Variants in RYR2 observed in about 807,000 individuals in gnomAD.
RYR2 encodes ryanodine receptor 2.
A neutral mutation model predicts 601.1 loss-of-function variants in RYR2; 227 were observed. That is an observed-to-expected ratio of 0.38 (90% CI 0.34 to 0.42). The LOEUF (loss-of-function observed/expected upper bound fraction) is 0.42. Among genes scored for constraint, RYR2 ranks in the 10% least tolerant of loss-of-function variants. The pLI, the probability that RYR2 is intolerant of heterozygous loss-of-function variation, is 1.00. For missense variants in RYR2, 4,646 were observed against 6,156.5 expected (o/e 0.75, Z 8.21); for synonymous variants, 2,223 against 2,175.1 (o/e 1.02, Z -0.61).
In RYR2 at chr1:237,405,716, A is replaced by G. The variant is rs150756464; in HGVS notation, c.774-11333A>G. Reference sequence around the variant, plus strand: ...TTTAGGTCCTATTGATTTTATTGCTAAATTTTTTCTCTATTAGACTTGTTT... The same window carrying G: ...TTTAGGTCCTATTGATTTTATTGCTGAATTTTTTCTCTATTAGACTTGTTT... On this transcript the variant is annotated intron_variant, in intron 10 of 104. Transcript: ENST00000366574. Among the ~76,000 whole-genome samples the G allele has an allele frequency of 7.2e-3, 1,088 of 152,058 alleles. 20 individuals are homozygous for G. Among genetic ancestry groups the G allele is most frequent in the African/African-American group, 0.025 (1,038 of 41,524 alleles).
chr1:237,634,384 C>T (rs1680652486), intron 43 of RYR2, among the ~76,000 whole-genome samples: 1 of 152,100 alleles, frequency 6.6e-6, no homozygotes, highest in Non-Finnish European at 1.5e-5. Context: ...ACCACATGAT[C>T]TCACTTTCAT....
intron 3 of RYR2, among the ~76,000 whole-genome samples, chr1:237,331,512 C>CTTTTTTTTTTTTTTTTTTTTTTTTTT (rs1460724250): frequency 1.3e-5 from 2 of 150,652 alleles, no homozygotes; most frequent in African/African-American, 4.9e-5. Flanking sequence ...TTTTTCTTTT[C>CTTTTTTTTTTTTTTTTTTTTTTTTTT]TTTTTTTTGA....
At chr1:237,311,358 C>CT (rs1694546068) in intron 2 of RYR2, among the ~76,000 whole-genome samples, 2 of 152,008 alleles carry the variant, frequency 1.3e-5, no homozygotes, top group Non-Finnish European at 2.9e-5. Context: ...CTTATGGGGT[C>CT]TATTGTGCCT....
chr1:237,782,759 G>A (rs1695227070), intron 89 of RYR2, among the ~76,000 whole-genome samples: 1 of 152,158 alleles, frequency 6.6e-6, no homozygotes, highest in Non-Finnish European at 1.5e-5. Flanking sequence ...TTTAATCCTA[G>A]TAACAAGTTT....
intron 1 of RYR2, among the ~76,000 whole-genome samples, chr1:237,148,517 A>T (rs1674268753): frequency 2.1e-4 from 10 of 47,796 alleles, no homozygotes; most frequent in African/African-American, 1.1e-3. Context: ...ACTTCAAGTA[A>T]AAAAAAAAAA....
intron 1 of RYR2, among the ~76,000 whole-genome samples, chr1:237,114,375 G>A (rs908637215): frequency 2.6e-5 from 4 of 152,066 alleles, no homozygotes; most frequent in African/African-American, 9.7e-5. Context: ...TTATTGACAA[G>A]ACATTGTGTC....
intron 19 of RYR2, 108 bp from the exon 20 acceptor site, chr1:237,496,401 CTG>C: frequency 6.9e-7 from 1 of 1,455,322 alleles, no homozygotes; most frequent in South Asian, 1.3e-5. Context: ...GAGCAAGACT[CTG>C]TCTCAATAAA....
chr1:237,674,346 G>A (rs1008306947), intron 59 of RYR2, 127 bp downstream of exon 59: 7 of 721,388 alleles, frequency 9.7e-6, no homozygotes, highest in Non-Finnish European at 1.6e-5. Context: ...TGTTTAATAT[G>A]TTTAAAATAC....
chr1:237,642,178 T>C (rs939670202), intron 47 of RYR2, among the ~76,000 whole-genome samples: 1 of 152,206 alleles, frequency 6.6e-6, no homozygotes, highest in African/African-American at 2.4e-5. Context: ...TTATTATCTA[T>C]ATTTCTTTTG....
chr1:237,387,259 C>G, intron 8 of RYR2, 22 bp from the exon 9 acceptor site: 1 of 1,610,048 alleles, frequency 6.2e-7, no homozygotes, highest in Non-Finnish European at 8.5e-7. Context: ...GAAGTGATGC[C>G]TCCTTTTGCC....
At chr1:237,051,222 C>A (rs1050254859) in intron 1 of RYR2, among the ~76,000 whole-genome samples, 7 of 112,236 alleles carry the variant, frequency 6.2e-5, no homozygotes, top group African/African-American at 7.3e-5. Flanking sequence ...TCTCTCCCCC[C>A]CCTTCCTCCC....
At chr1:237,341,037 CAG>C (rs1322078605) in intron 3 of RYR2, among the ~76,000 whole-genome samples, 2 of 152,098 alleles carry the variant, frequency 1.3e-5, no homozygotes, top group Admixed American at 1.3e-4. Flanking sequence ...ACGTGGTTTC[CAG>C]ACTCTGTCAT....
At chr1:237,403,918 G>A (rs1703624364) in intron 10 of RYR2, among the ~76,000 whole-genome samples, 1 of 152,148 alleles carries the variant, frequency 6.6e-6, no homozygotes, top group South Asian at 2.1e-4. Flanking sequence ...ATAAAATAAT[G>A]ATAATGATGA....
chr1:237,051,310 T>C (rs115345932), intron 1 of RYR2, among the ~76,000 whole-genome samples: 41,134 of 111,796 alleles, frequency 0.37, 8,321 homozygotes, highest in African/African-American at 0.48. Flanking sequence ...CTCTTTCTCT[T>C]TATCTCTCTC....
At chr1:237,605,403 G>C (rs1417562441) in intron 35 of RYR2, among the ~76,000 whole-genome samples, 2 of 152,076 alleles carry the variant, frequency 1.3e-5, no homozygotes, top group African/African-American at 4.8e-5. Flanking sequence ...CAATAAATTA[G>C]GTATTGATGG....
chr1:237,411,062 A>G (rs1475042549), intron 10 of RYR2, among the ~76,000 whole-genome samples: 1 of 152,164 alleles, frequency 6.6e-6, no homozygotes, highest in Non-Finnish European at 1.5e-5. Context: ...GCACAGAAAG[A>G]CAAATACTGC....
At chr1:237,628,144 A>G (rs1203076571) in intron 41 of RYR2, 64 bp downstream of exon 41, 22 of 1,532,614 alleles carry the variant, frequency 1.4e-5, no homozygotes, top group Non-Finnish European at 1.9e-5. Context: ...ATACCTATAG[A>G]GCAGTACATT....
intron 29 of RYR2, among the ~76,000 whole-genome samples, chr1:237,572,869 A>G (rs184419799): frequency 7.9e-5 from 12 of 152,196 alleles, no homozygotes; most frequent in Admixed American, 7.9e-4. Context: ...CTCCTCTCCC[A>G]AATTGACTTT....
intron 1 of RYR2, among the ~76,000 whole-genome samples, chr1:237,054,397 T>C (rs1056532573): frequency 6.9e-6 from 1 of 144,738 alleles, no homozygotes; most frequent in Non-Finnish European, 1.5e-5. Flanking sequence ...TAAGGAATGA[T>C]TTATGGCTGT....
Sources: allele counts gnomAD v4.1 joint callset (sites outside exome capture counted in the v4.1 genomes callset), GRCh38; gene constraint gnomAD v4.1.1; transcripts MANE v1.5; gene names NCBI Gene and HGNC (gene_info 2026-07-23, HGNC 2026-07-21).